The following KLB variants were observed in gnomAD, a reference collection of about 807,000 sequenced individuals.
KLB encodes klotho beta.
Under a neutral mutation model 88.4 loss-of-function variants are expected in KLB, and 44 were observed. The ratio of observed to expected loss-of-function variants is 0.50; its 90% CI spans 0.39 to 0.64. The LOEUF (loss-of-function observed/expected upper bound fraction) is 0.64. Among genes scored for constraint, KLB ranks in the 30% least tolerant of loss-of-function variants. The probability of loss-of-function intolerance (pLI) is 0.00; values close to 1 mark genes in which losing one functional copy is unlikely to be tolerated. For missense variants in KLB, 1,137 were observed against 1,304.8 expected (o/e 0.87, Z 1.98); for synonymous variants, 548 against 513.4 (o/e 1.07, Z -0.91).
rs1743783662 is a variant in KLB at position 39,447,487 on chromosome 4, G to GC, written c.2749+16dup. 1.9e-5 allele frequency: 30 copies of GC among 1,546,124 alleles called. No homozygotes were observed. Among genetic ancestry groups the GC allele is most frequent in the Non-Finnish European group, 2.4e-5 (27 of 1,147,026 alleles). ...GGAGGTGCTGAAAGGTAAGGGCGGG[G>GC]CCCCTTCAGACACAGGGCAGAGCGA... On this transcript the variant is annotated intron_variant, in intron 4 of 4. Transcript: ENST00000257408.
intron 1 of KLB, among the ~76,000 whole-genome samples, 169 bp from the exon 2 acceptor site, chr4:39,434,041 G>A (rs971637501): frequency 6.6e-6 from 1 of 152,134 alleles, no homozygotes; most frequent in Non-Finnish European, 1.5e-5. Context: ...TAGGTTGGAA[G>A]CACTAGGGGC....
At chr4:39,443,613 T>G (rs76557970) in intron 3 of KLB, among the ~76,000 whole-genome samples, 1 of 143,596 alleles carries the variant, frequency 7.0e-6, no homozygotes, top group Admixed American at 6.9e-5. Context: ...AAAAAAAAAT[T>G]AGCCAGGCAG....
chr4:39,448,230 A>G lies in KLB; in HGVS notation c.2750-71A>G, dbSNP rs540154616. On this transcript the variant is annotated intron_variant, in intron 4 of 4. Coordinates refer to ENST00000257408, the MANE Select transcript of KLB (RefSeq NM_175737.4). The stretch of plus-strand genomic sequence containing the variant: ...GGCATAATTTTAGCTTGTTTCAATG[A>G]AAACTAAATTCTTCCTCAAAGATAC... 8.1e-6 allele frequency: 10 copies of G among 1,229,934 alleles called. No individual in the cohort carries two copies. In the South Asian group the frequency reaches 1.1e-4, roughly 14 times the overall value. The allele number at this position is 1,229,934 out of a possible 1,614,324, so 76.2% of individuals were successfully genotyped here. A position where few individuals can be genotyped will look rare whatever the true frequency, so the allele number is the denominator to read the frequency against.
intron 1 of KLB, among the ~76,000 whole-genome samples, chr4:39,425,058 T>C (rs907831115): frequency 6.6e-6 from 1 of 152,184 alleles, no homozygotes; most frequent in Non-Finnish European, 1.5e-5. Flanking sequence ...AAAATTACTA[T>C]CAGGATCACT....
intron 1 of KLB, among the ~76,000 whole-genome samples, chr4:39,428,169 G>A (rs1406102280): frequency 6.6e-6 from 1 of 152,240 alleles, no homozygotes; most frequent in African/African-American, 2.4e-5. Context: ...GCTCACGCCT[G>A]TAACCCCAGC....
chr4:39,432,008 C>T (rs542923229), intron 1 of KLB, among the ~76,000 whole-genome samples: 3 of 152,152 alleles, frequency 2.0e-5, no homozygotes, highest in African/African-American at 4.8e-5. Flanking sequence ...TAGTGGGGGC[C>T]GGGTGCAGTG....
At chr4:39,423,417 T>C (rs1462846941) in intron 1 of KLB, among the ~76,000 whole-genome samples, 1 of 151,840 alleles carries the variant, frequency 6.6e-6, no homozygotes, top group African/African-American at 2.4e-5. Context: ...ACTATTTAGC[T>C]CTTTTAATAA....
At chr4:39,436,357 C>A (rs1743473002) in intron 2 of KLB, among the ~76,000 whole-genome samples, 1 of 152,148 alleles carries the variant, frequency 6.6e-6, no homozygotes, top group Admixed American at 6.6e-5. Context: ...AGCTACGGGC[C>A]ATGCACATAG....
At chr4:39,440,657 G>A (rs1380383220) in intron 3 of KLB, among the ~76,000 whole-genome samples, 5 of 151,530 alleles carry the variant, frequency 3.3e-5, no homozygotes, top group African/African-American at 1.2e-4. Flanking sequence ...TCCCGTGTTC[G>A]TGCAATTCTC....
At chr4:39,445,355 C>A (rs1743712322) in intron 3 of KLB, among the ~76,000 whole-genome samples, 1 of 152,142 alleles carries the variant, frequency 6.6e-6, no homozygotes, top group Non-Finnish European at 1.5e-5. Context: ...CAAGTGTCAA[C>A]CTTGGGAGTT....
intron 1 of KLB, among the ~76,000 whole-genome samples, chr4:39,423,743 C>T (rs1743137314): frequency 6.6e-6 from 1 of 151,750 alleles, no homozygotes; most frequent in Admixed American, 6.6e-5. Flanking sequence ...CAACTGTGAA[C>T]ACAATAAATA....
At chr4:39,426,888 T>C (rs1463256400) in intron 1 of KLB, among the ~76,000 whole-genome samples, 2 of 152,052 alleles carry the variant, frequency 1.3e-5, no homozygotes, top group Admixed American at 1.3e-4. Context: ...AGAGTCTCAC[T>C]ATATTGCCCA....
intron 1 of KLB, among the ~76,000 whole-genome samples, chr4:39,415,515 A>C (rs1429079790): frequency 6.6e-6 from 1 of 152,122 alleles, no homozygotes; most frequent in Non-Finnish European, 1.5e-5. Context: ...AAAATAAATA[A>C]AATTTCAAAA....
chr4:39,431,547 G>A (rs566677160), intron 1 of KLB, among the ~76,000 whole-genome samples: 2 of 152,134 alleles, frequency 1.3e-5, no homozygotes, highest in South Asian at 2.1e-4. Flanking sequence ...CACCATGCCC[G>A]GCCCGAGGAA....
In KLB at chr4:39,407,420, G is replaced by T. The variant is rs1483142261; in HGVS notation, c.471G>T (p.Arg157Ser). 6.2e-7 allele frequency: 1 copy of T among 1,613,986 alleles called. No individual in the cohort carries two copies. The highest frequency in any genetic ancestry group is 2.2e-5 in the East Asian group (1 of 44,884). Residue 157 changes from arginine (R) to serine (S), a missense_variant, in exon 1 of 5, where the codon AGG (arginine) becomes AGT (serine). Transcript: ENST00000257408. The stretch of plus-strand genomic sequence containing the variant: ...ATCAATTTTCAATTTCCTGGCCAAG[G>T]CTTTTCCCCGATGGAATAGTAACAG... The part of the protein sequence containing the change: ...SFYQFSISWP[R>S]LFPDGIVTVA...
intron 1 of KLB, among the ~76,000 whole-genome samples, chr4:39,425,670 G>C (rs1433422150): frequency 6.6e-6 from 1 of 152,090 alleles, no homozygotes; most frequent in Non-Finnish European, 1.5e-5. Flanking sequence ...TAAAACTCCT[G>C]GGCTCAAGCA....
intron 1 of KLB, among the ~76,000 whole-genome samples, chr4:39,431,757 A>G (rs943476626): frequency 6.6e-6 from 1 of 152,216 alleles, no homozygotes; most frequent in African/African-American, 2.4e-5. Context: ...CCTTACCTCA[A>G]TGCCTACTTT....
chr4:39,427,622 ATG>A (rs1305115894), intron 1 of KLB, among the ~76,000 whole-genome samples: 4 of 152,178 alleles, frequency 2.6e-5, no homozygotes, highest in Non-Finnish European at 5.9e-5. Flanking sequence ...GAGGGCAAAC[ATG>A]TTCAGCCACG....
At chr4:39,409,061 GTAC>G (rs1742785959) in intron 1 of KLB, among the ~76,000 whole-genome samples, 1 of 151,256 alleles carries the variant, frequency 6.6e-6, no homozygotes, top group African/African-American at 2.4e-5. Flanking sequence ...CATGTGCATT[GTAC>G]TATGGTTTCA....
Sources: allele counts gnomAD v4.1 joint callset (sites outside exome capture counted in the v4.1 genomes callset), GRCh38; gene constraint gnomAD v4.1.1; transcripts MANE v1.5; gene names NCBI Gene and HGNC (gene_info 2026-07-23, HGNC 2026-07-21).